Variants in RTL4 observed in about 807,000 individuals in gnomAD.
The protein encoded by RTL4 is retrotransposon Gag like 4, also known as retrotransposon Gag-like protein 4.
In RTL4, 4 loss-of-function variants were observed where a neutral mutation model predicts 5.3. The ratio of observed to expected loss-of-function variants is 0.75; its 90% CI spans 0.37 to 1.72. The LOEUF is 1.72. Ranked by LOEUF, RTL4 falls within the 40% of genes most tolerant of loss-of-function variation. The probability of loss-of-function intolerance (pLI) is 0.04; values close to 1 mark genes in which losing one functional copy is unlikely to be tolerated. For synonymous variants in RTL4, 98 were observed against 87.3 expected, an observed-to-expected ratio of 1.12 and a Z score of -0.68; for missense variants, 260 against 227.1, an observed-to-expected ratio of 1.14 and a Z score of -0.93.
At chrX:112,237,457 T>G in the RTL4 span, among the ~76,000 whole-genome samples, 1 of 112,161 alleles carries the variant, frequency 8.9e-6, no homozygotes, top group African/African-American at 3.2e-5. Flanking sequence ...TGAAGCTGAA[T>G]GGCCTCTGAA....
At chrX:112,168,972 T>TC in the RTL4 span, among the ~76,000 whole-genome samples, 15 of 108,206 alleles carry the variant, frequency 1.4e-4, no homozygotes, top group Non-Finnish European at 1.9e-4. Context: ...TCTTTTTCTT[T>TC]CTTTCTTTCC....
At chrX:112,407,716 G>A in the RTL4 span, among the ~76,000 whole-genome samples, 1 of 112,639 alleles carries the variant, frequency 8.9e-6, no homozygotes, top group South Asian at 3.7e-4. Flanking sequence ...GGCTGTGATG[G>A]CATCAGATGT....
At chrX:112,136,182 A>G in the RTL4 span, among the ~76,000 whole-genome samples, 2 of 111,528 alleles carry the variant, frequency 1.8e-5, no homozygotes, top group African/African-American at 3.2e-5. Flanking sequence ...TTGATTTTGT[A>G]TCTTGCAACT....
chrX:112,329,342 A>C, the RTL4 span, among the ~76,000 whole-genome samples: 7 of 111,918 alleles, frequency 6.3e-5, no homozygotes, highest in South Asian at 2.6e-3. Context: ...CACCGATCCC[A>C]CAGAAATACA....
chrX:112,256,712 A>G, the RTL4 span, among the ~76,000 whole-genome samples: 2 of 111,809 alleles, frequency 1.8e-5, no homozygotes, highest in African/African-American at 6.5e-5. Flanking sequence ...ATATTTTATA[A>G]TTTTCTTCAT....
chrX:112,265,937 C>G, the RTL4 span, among the ~76,000 whole-genome samples: 1 of 110,671 alleles, frequency 9.0e-6, no homozygotes, highest in Non-Finnish European at 1.9e-5. Flanking sequence ...AGGCCCCTCA[C>G]AGTCACCCTC....
At chrX:112,375,327 A>G in the RTL4 span, among the ~76,000 whole-genome samples, 1 of 110,955 alleles carries the variant, frequency 9.0e-6, no homozygotes, top group African/African-American at 3.3e-5. Flanking sequence ...GTTCTCAGGC[A>G]AGCTTTCTGC....
the RTL4 span, among the ~76,000 whole-genome samples, chrX:112,315,556 T>C: frequency 8.9e-6 from 1 of 112,072 alleles, no homozygotes; most frequent in Non-Finnish European, 1.9e-5. Flanking sequence ...TCCTTTAGCC[T>C]CCACTCCCTT....
At chrX:112,124,678 G>A in the RTL4 span, among the ~76,000 whole-genome samples, 4 of 100,087 alleles carry the variant, frequency 4.0e-5, no homozygotes, top group African/African-American at 1.8e-4. Flanking sequence ...GGTTGTTGGG[G>A]GGGAGGGGAT....
the RTL4 span, among the ~76,000 whole-genome samples, chrX:112,087,980 A>G: frequency 9.2e-6 from 1 of 108,137 alleles, no homozygotes; most frequent in Non-Finnish European, 1.9e-5. Context: ...CTTCACCTCT[A>G]TCTAGTTCCA....
At chrX:112,284,537 T>C in the RTL4 span, among the ~76,000 whole-genome samples, 1 of 111,508 alleles carries the variant, frequency 9.0e-6, no homozygotes, top group African/African-American at 3.3e-5. Context: ...CATGCTAAAT[T>C]TGGGGGCCAG....
the RTL4 span, among the ~76,000 whole-genome samples, chrX:112,338,566 A>G: frequency 8.9e-6 from 1 of 112,012 alleles, no homozygotes; most frequent in Non-Finnish European, 1.9e-5. Flanking sequence ...CAAATCATCT[A>G]TTAATTATAT....
the RTL4 span, among the ~76,000 whole-genome samples, chrX:112,246,517 C>A: frequency 6.2e-5 from 7 of 112,148 alleles, no homozygotes; most frequent in Non-Finnish European, 1.1e-4. Context: ...GTGTGGCACC[C>A]GCTGAGCCAG....
At chrX:112,305,988 T>A in the RTL4 span, among the ~76,000 whole-genome samples, 1 of 111,487 alleles carries the variant, frequency 9.0e-6, no homozygotes. Context: ...GATCTGAAAT[T>A]CTGTGATCTG....
At chrX:112,420,518 T>TG in the RTL4 span, among the ~76,000 whole-genome samples, 1 of 111,614 alleles carries the variant, frequency 9.0e-6, no homozygotes, top group Non-Finnish European at 1.9e-5. Flanking sequence ...ATTAAGACCA[T>TG]GGGCTGTGGC....
At chrX:112,208,781 A>C in the RTL4 span, among the ~76,000 whole-genome samples, 147 of 112,718 alleles carry the variant, frequency 1.3e-3, 6 homozygotes, top group Non-Finnish European at 1.0e-3. Flanking sequence ...GTTCAACTGC[A>C]TTCAGAAGTC....
chrX:112,162,841 G>T, the RTL4 span, among the ~76,000 whole-genome samples: 4 of 111,205 alleles, frequency 3.6e-5, no homozygotes, highest in South Asian at 1.2e-3. Context: ...GGATCCTAAG[G>T]CGGGTAGTCT....
chrX:112,113,717 C>T, the RTL4 span, among the ~76,000 whole-genome samples: 1 of 111,926 alleles, frequency 8.9e-6, no homozygotes, highest in Admixed American at 9.5e-5. Flanking sequence ...ATTACTTCAG[C>T]ATAGTGGGCA....
At chrX:112,234,905 G>C in the RTL4 span, among the ~76,000 whole-genome samples, 1 of 111,599 alleles carries the variant, frequency 9.0e-6, no homozygotes, top group Non-Finnish European at 1.9e-5. Flanking sequence ...ATTCTGGTCT[G>C]ATGACTGCTT....
Sources: gnomAD v4.1 joint callset for allele counts (sites outside exome capture counted in the v4.1 genomes callset) on GRCh38, gnomAD v4.1.1 for gene constraint, MANE v1.5 for transcripts, NCBI Gene and HGNC (gene_info 2026-07-23, HGNC 2026-07-21) for gene names.